Variants in AP4E1 observed in about 807,000 individuals in gnomAD.
AP4E1 encodes AP-4 complex subunit epsilon-1.
In AP4E1, 56 loss-of-function variants were observed where a neutral mutation model predicts 128.2. The ratio of observed to expected loss-of-function variants is 0.44; its 90% confidence interval spans 0.35 to 0.55. The LOEUF is 0.55. AP4E1 is among the 20% of genes least tolerant of loss of function. The pLI, the probability that AP4E1 is intolerant of heterozygous loss-of-function variation, is 0.00. For missense variants in AP4E1, 1,324 were observed against 1,307.7 expected, an observed-to-expected ratio of 1.01 and a Z score of -0.19; for synonymous variants, 484 against 473.1, an observed-to-expected ratio of 1.02 and a Z score of -0.30.
chr15:50,908,735 C>T lies in AP4E1; in HGVS notation c.-44C>T, dbSNP rs899130633. On this transcript the variant is annotated 5_prime_UTR_variant, in exon 1 of 21. Coordinates refer to ENST00000261842, the MANE Select transcript of AP4E1 (RefSeq NM_007347.5). ...GGCGGCCGGGCATGAAGCCGGGCGG[C>T]TACGGGATCGCGGGCGGCGGCGGCA... 4.0e-6 allele frequency: 6 copies of T among 1,491,894 alleles called. No homozygotes were observed. In the African/African-American group the frequency reaches 8.8e-5, roughly 22 times the overall value. 92.4% of individuals were successfully genotyped at this position (1,491,894 alleles called of 1,614,324 possible).
intron 15 of AP4E1, among the ~76,000 whole-genome samples, chr15:50,969,127 C>T (rs1165466548): frequency 6.6e-6 from 1 of 151,750 alleles, no homozygotes; most frequent in African/African-American, 2.4e-5. Context: ...AAGCCTAGTA[C>T]CCATTAGTTT....
At chr15:50,910,512 A>G (rs1226353501) in intron 1 of AP4E1, among the ~76,000 whole-genome samples, 1 of 152,250 alleles carries the variant, frequency 6.6e-6, no homozygotes. Flanking sequence ...CTACAATGCA[A>G]TAGAAGTGCT....
rs577531218 is a variant in AP4E1, at chr15:50,973,366, C to T, written c.1966+4989C>T. 3.5e-4 allele frequency among the ~76,000 whole-genome samples: 53 copies of T among 152,234 alleles called. No individual in the cohort carries two copies. The East Asian group carries it at 9.5e-3, about 27-fold the overall frequency. On this transcript the variant is annotated intron_variant, in intron 15 of 20. Coordinates refer to ENST00000261842, the MANE Select transcript of AP4E1 (RefSeq NM_007347.5). ...TGTTCTCTTTTTCCAGAAGCATTTGCTCTTTTTTGCCTTTTATCTTTTTAA... is the reference window on the plus strand; with the variant it reads ...TGTTCTCTTTTTCCAGAAGCATTTGTTCTTTTTTGCCTTTTATCTTTTTAA...
chr15:50,909,059 C>G, intron 1 of AP4E1, 131 bp downstream of exon 1: 2 of 1,409,758 alleles, frequency 1.4e-6, no homozygotes, highest in South Asian at 1.4e-5. Context: ...GCTGCTGTGT[C>G]GGTTCGTCCT....
chr15:50,946,089 C>T, intron 10 of AP4E1: 1 of 610,526 alleles, frequency 1.6e-6, no homozygotes, highest in Non-Finnish European at 2.9e-6. Context: ...AGATTAATTG[C>T]ATACATTTTA....
At position 50,948,191 on chromosome 15, in the gene AP4E1, ATAGT is replaced by A. The variant is rs375903054; in HGVS notation, c.1316+39_1316+42del. On this transcript the variant is annotated intron_variant, in intron 11 of 20. Transcript: ENST00000261842. ...TTTTATTTCGACCATGAGTCTTAAA[ATAGT>A]TAGTTATGCAGTGACTTTAAGATGA... is the stretch of plus-strand genomic sequence containing the variant. 304 of 1,611,450 alleles carry A rather than the reference ATAGT, an allele frequency of 1.9e-4. 1 individual carries two copies. In the East Asian group the frequency reaches 4.9e-3, roughly 26 times the overall value.
intron 2 of AP4E1, 98 bp downstream of exon 2, chr15:50,912,247 G>T: frequency 1.8e-6 from 2 of 1,100,086 alleles, no homozygotes; most frequent in Non-Finnish European, 2.8e-6. Flanking sequence ...GCTAAAATTT[G>T]ATTTATCATA....
chr15:50,911,722 C>T (rs2063569421), intron 1 of AP4E1, among the ~76,000 whole-genome samples: 1 of 152,066 alleles, frequency 6.6e-6, no homozygotes, highest in African/African-American at 2.4e-5. Flanking sequence ...AAGTGATTCA[C>T]TCGCCTTGGC....
At chr15:50,959,262 T>C (rs1384257262) in intron 14 of AP4E1, among the ~76,000 whole-genome samples, 2 of 151,530 alleles carry the variant, frequency 1.3e-5, no homozygotes, top group Non-Finnish European at 2.9e-5. Context: ...AAGCACATTA[T>C]AGTCAGACTG....
chr15:50,987,454 C>T (rs1360026166), intron 16 of AP4E1, among the ~76,000 whole-genome samples: 1 of 152,144 alleles, frequency 6.6e-6, no homozygotes, highest in African/African-American at 2.4e-5. Context: ...CTATAAATTT[C>T]CCTCTACACA....
intron 13 of AP4E1, among the ~76,000 whole-genome samples, chr15:50,952,796 T>C (rs145486962): frequency 1.3e-4 from 20 of 152,188 alleles, no homozygotes; most frequent in African/African-American, 4.8e-4. Context: ...GGATATCTAA[T>C]TATTTTTGTT....
intron 15 of AP4E1, among the ~76,000 whole-genome samples, chr15:50,982,769 T>A (rs2064661180): frequency 6.6e-6 from 1 of 152,218 alleles, no homozygotes; most frequent in African/African-American, 2.4e-5. Flanking sequence ...TTAGCATTCT[T>A]TGGAATAGGT....
chr15:50,992,550 GACA>G (rs1439295040), intron 16 of AP4E1, among the ~76,000 whole-genome samples: 1 of 152,136 alleles, frequency 6.6e-6, no homozygotes, highest in Admixed American at 6.6e-5. Flanking sequence ...CAACTTTTGT[GACA>G]ACATTAGGAT....
intron 13 of AP4E1, among the ~76,000 whole-genome samples, chr15:50,952,651 A>G (rs1354776953): frequency 6.6e-6 from 1 of 152,144 alleles, no homozygotes; most frequent in Non-Finnish European, 1.5e-5. Context: ...CCAGTTGAGG[A>G]TCACAAATTG....
At chr15:50,922,822 G>T (rs1334674312) in intron 3 of AP4E1, among the ~76,000 whole-genome samples, 1 of 151,460 alleles carries the variant, frequency 6.6e-6, no homozygotes, top group Non-Finnish European at 1.5e-5. Context: ...CTGTCGTCTG[G>T]TCTGGAGTGC....
intron 6 of AP4E1, among the ~76,000 whole-genome samples, chr15:50,930,193 G>C (rs1370533219): frequency 7.0e-6 from 1 of 142,308 alleles, no homozygotes; most frequent in Non-Finnish European, 1.5e-5. Context: ...TCAGCCTCTC[G>C]AGTAGCTGGG....
chr15:50,935,153 A>G lies in AP4E1; in HGVS notation c.943+456A>G, dbSNP rs558793312. Among the ~76,000 whole-genome samples the G allele has an allele frequency of 2.0e-5, 3 of 152,284 alleles. No individual in the cohort carries two copies. In the South Asian group the frequency reaches 6.2e-4, roughly 32 times the overall value. On this transcript the variant is annotated intron_variant, in intron 8 of 20. Coordinates refer to ENST00000261842, the MANE Select transcript of AP4E1 (RefSeq NM_007347.5). ...CAGTGAATAAAACATTATGGGGCTT[A>G]TAAACTAGATTGATGGACAGGGATA... is the stretch of plus-strand genomic sequence containing the variant.
Position 50,999,164 on chromosome 15 carries a change from A to G in AP4E1, c.2997A>G (p.Thr999=), listed in dbSNP as rs2064922894. The part of the protein sequence containing the change: ...QYSVQIEKPF[T]EGNLTGFISY... ...GTGTGCAGATAGAAAAACCTTTTAC[A>G]GAAGGAAATCTTACTGGTTTTATTA... Residue 999 remains threonine, a synonymous_variant, in exon 19 of 21, where the codon ACA becomes ACG. Transcript: ENST00000261842. 2 of 1,613,886 alleles carry G rather than the reference A, an allele frequency of 1.2e-6. No homozygotes were observed. The highest frequency in any genetic ancestry group is 1.7e-6 in the Non-Finnish European group (2 of 1,179,966).
intron 15 of AP4E1, among the ~76,000 whole-genome samples, chr15:50,981,706 T>C (rs1007329161): frequency 6.6e-6 from 1 of 152,172 alleles, no homozygotes; most frequent in Non-Finnish European, 1.5e-5. Flanking sequence ...TGTTGGGAGG[T>C]GAGACCTAAT....
Sources: gnomAD v4.1 joint callset for allele counts (sites outside exome capture counted in the v4.1 genomes callset) on GRCh38, gnomAD v4.1.1 for gene constraint, MANE v1.5 for transcripts, NCBI Gene and HGNC (gene_info 2026-07-23, HGNC 2026-07-21) for gene names.